The following EIF2B5 variants were observed in gnomAD, a reference collection of about 807,000 sequenced individuals.
The protein encoded by EIF2B5 is eukaryotic translation initiation factor 2B subunit epsilon.
A neutral mutation model predicts 87.3 loss-of-function variants in EIF2B5; 38 were observed. The observed-to-expected ratio is 0.44, with a 90% confidence interval of 0.34 to 0.57. EIF2B5 has a LOEUF of 0.57. EIF2B5 is among the 20% of genes least tolerant of loss of function. EIF2B5 has a pLI of 0.02. For missense variants in EIF2B5, 784 were observed against 909.5 expected (o/e 0.86, Z 1.78); for synonymous variants, 313 against 339.6 (o/e 0.92, Z 0.86).
intron 7 of EIF2B5, chr3:184,141,035 CTTT>C: frequency 2.4e-6 from 1 of 419,448 alleles, no homozygotes. Flanking sequence ...TTACAAAGGG[CTTT>C]TATATACATT....
chr3:184,136,099 T>TG, intron 1 of EIF2B5: 2 of 229,098 alleles, frequency 8.7e-6, no homozygotes. Context: ...GTCTAGACAA[T>TG]GGGGTATTGG....
chr3:184,144,673 C>T lies in EIF2B5; in HGVS notation c.2072C>T (p.Thr691Ile), dbSNP rs771437034. The change falls in exon 15 of 16, where the codon ACT becomes ATT. Residue 691 changes from threonine (T) to isoleucine (I), a missense_variant. Coordinates refer to ENST00000648915, the MANE Select transcript of EIF2B5 (RefSeq NM_003907.3). ...AGCTGGTTCAGCCAAAGAGATACAACTGACAAGGGCCAGCAGTTGCGCAAG... is the reference window on the plus strand; with the variant it reads ...AGCTGGTTCAGCCAAAGAGATACAATTGACAAGGGCCAGCAGTTGCGCAAG... ...ILSWFSQRDT[T>I]DKGQQLRKNQ... 2.5e-6 allele frequency: 4 copies of T among 1,614,048 alleles called. No individual in the cohort carries two copies. In the African/African-American group the frequency reaches 4.0e-5, roughly 16 times the overall value.
intron 6 of EIF2B5, 87 bp downstream of exon 6, chr3:184,140,244 T>C (rs1713565649): frequency 2.0e-6 from 3 of 1,478,458 alleles, no homozygotes; most frequent in Non-Finnish European, 2.8e-6. Flanking sequence ...CTTTTTTGTA[T>C]TTTATTGAGG....
rs371410870 is a variant in EIF2B5, at chr3:184,143,418, G to A, written c.1746-24G>A. 1.4e-4 allele frequency: 223 copies of A among 1,613,964 alleles called. 1 individual carries two copies. Among genetic ancestry groups the A allele is most frequent in the Admixed American group, 2.0e-4 (12 of 59,998 alleles). ...CTGCTGAAAGGCCAGTGAAGGCCCT[G>A]GTGTCACCCCAGTCTCCCCACAGGT... On this transcript the variant is annotated intron_variant, in intron 12 of 15. Coordinates refer to ENST00000648915, the MANE Select transcript of EIF2B5 (RefSeq NM_003907.3).
chr3:184,140,794 C>A, intron 7 of EIF2B5, 64 bp downstream of exon 7: 1 of 1,570,568 alleles, frequency 6.4e-7, no homozygotes, highest in African/African-American at 1.4e-5. Flanking sequence ...GGCCACGTCT[C>A]CAGAAACACA....
In EIF2B5 at chr3:184,142,434, C is replaced by T. The variant is rs1713680593; in HGVS notation, c.1444+56C>T. ...TGTGTCTCGCTGCCTCATAGAAGAA[C>T]CAGTGTTTCCTCCTGGAGGGATTGG... On this transcript the variant is annotated intron_variant, in intron 9 of 15. Transcript: ENST00000648915. The surrounding 1 kb of genome is among the most constrained non-coding windows in gnomAD (Gnocchi z 5.0). 3 of 1,614,150 alleles carry T rather than the reference C, an allele frequency of 1.9e-6. No individual in the cohort carries two copies. Among genetic ancestry groups the T allele is most frequent in the Non-Finnish European group, 1.7e-6 (2 of 1,180,014 alleles).
At chr3:184,141,775 G>A (rs1256491090) in intron 7 of EIF2B5, 150 bp from the exon 8 acceptor site, 7 of 904,518 alleles carry the variant, frequency 7.7e-6, no homozygotes, top group Non-Finnish European at 1.2e-5. Flanking sequence ...TGGGCTTAGG[G>A]GGTGAGTGGG....
chr3:184,135,620 G>T (rs1244037562), intron 1 of EIF2B5, 40 bp downstream of exon 1: 1 of 1,560,172 alleles, frequency 6.4e-7, no homozygotes, highest in African/African-American at 1.4e-5. Flanking sequence ...GGCAGGAAGG[G>T]TGGCAGGGCT....
chr3:184,135,648 C>A (rs1004643704), intron 1 of EIF2B5, 68 bp downstream of exon 1: 43 of 1,540,750 alleles, frequency 2.8e-5, no homozygotes, highest in Non-Finnish European at 3.6e-5. Context: ...GTTCTCATTT[C>A]GGCTAACTAC....
chr3:184,140,220 T>C (rs777687467), intron 6 of EIF2B5, 63 bp downstream of exon 6: 5 of 1,540,302 alleles, frequency 3.2e-6, no homozygotes, highest in South Asian at 1.1e-5. Context: ...TATCTCATGC[T>C]GGTAACTTTT....
chr3:184,139,962 G>A, intron 5 of EIF2B5, 118 bp from the exon 6 acceptor site: 1 of 714,830 alleles, frequency 1.4e-6, no homozygotes. Flanking sequence ...GGTGGAGGTT[G>A]CAGTGAGCCG....
chr3:184,135,758 C>T lies in EIF2B5; in HGVS notation c.195+178C>T, dbSNP rs1713322413. The T allele has an allele frequency of 3.5e-6, 3 of 851,908 alleles. No individual in the cohort carries two copies. The Admixed American group carries it at 7.5e-5, about 21-fold the overall frequency. 52.8% of individuals were successfully genotyped at this position (851,908 alleles called of 1,614,324 possible). On this transcript the variant is annotated intron_variant, in intron 1 of 15. Transcript: ENST00000648915. ...GATGACTGCTGACCAAGTTAGTGGCCGGCAGATTTGGGCATTCGTAATGCT... is the reference window on the plus strand; with the variant it reads ...GATGACTGCTGACCAAGTTAGTGGCTGGCAGATTTGGGCATTCGTAATGCT...
intron 7 of EIF2B5, among the ~76,000 whole-genome samples, chr3:184,141,266 C>A (rs908502368): frequency 6.6e-6 from 1 of 152,118 alleles, no homozygotes; most frequent in African/African-American, 2.4e-5. Flanking sequence ...CCAAGAACAA[C>A]AGTAAGGCTC....
chr3:184,139,430 G>A (rs1713521162), intron 5 of EIF2B5, among the ~76,000 whole-genome samples: 1 of 151,428 alleles, frequency 6.6e-6, no homozygotes, highest in Non-Finnish European at 1.5e-5. Context: ...GCAGGCATGT[G>A]CCACCACACC....
At chr3:184,136,844 A>T (rs571561821) in intron 2 of EIF2B5, 108 bp downstream of exon 2, 5 of 1,489,764 alleles carry the variant, frequency 3.4e-6, no homozygotes, top group East Asian at 2.3e-5. Context: ...GTCTACTTAG[A>T]TGTCATTGTA....
intron 12 of EIF2B5, 43 bp downstream of exon 12, chr3:184,143,185 A>C: frequency 6.3e-7 from 1 of 1,597,762 alleles, no homozygotes; most frequent in Non-Finnish European, 8.6e-7. Flanking sequence ...TGATCCCGGG[A>C]AGGTAGAGGC....
chr3:184,140,377 G>C, intron 6 of EIF2B5, 41 bp from the exon 7 acceptor site: 3 of 1,608,086 alleles, frequency 1.9e-6, no homozygotes, highest in Non-Finnish European at 2.6e-6. Context: ...CATTCTTCCT[G>C]TCTTTCTTGC....
chr3:184,140,111 A>G lies in EIF2B5; in HGVS notation c.797A>G (p.Tyr266Cys). 6.2e-7 allele frequency: 1 copy of G among 1,613,930 alleles called. No homozygotes were observed. The highest frequency in any genetic ancestry group is 8.5e-7 in the Non-Finnish European group (1 of 1,179,902). Residue 266 changes from tyrosine (Y) to cysteine (C), a missense_variant, in exon 6 of 16, where the codon TAC becomes TGC. By Grantham distance (194) the Tyr-to-Cys change is radical. This residue lies in a region of EIF2B5 where 660 missense variants were observed against 789.5 expected (regional missense o/e 0.84). Coordinates refer to ENST00000648915, the MANE Select transcript of EIF2B5 (RefSeq NM_003907.3). ...CAACTCTTTACAGACAACTTTGACTACCAAACTCGAGATGACTTTGTGCGA... is the reference window on the plus strand; with the variant it reads ...CAACTCTTTACAGACAACTTTGACTGCCAAACTCGAGATGACTTTGTGCGA... ...VAQLFTDNFD[Y>C]QTRDDFVRGL...
intron 7 of EIF2B5, 98 bp downstream of exon 7, chr3:184,140,828 T>C (rs1270775219): frequency 1.0e-5 from 14 of 1,386,414 alleles, no homozygotes; most frequent in Non-Finnish European, 1.3e-5. Flanking sequence ...CAAGGGACAG[T>C]CCCTGGGAAT....
Sources: allele counts gnomAD v4.1 joint callset (sites outside exome capture counted in the v4.1 genomes callset), GRCh38; gene constraint gnomAD v4.1.1; regional missense constraint gnomAD v4.1.1; non-coding constraint Gnocchi (gnomAD v3.1); transcripts MANE v1.5; gene names NCBI Gene and HGNC (gene_info 2026-07-23, HGNC 2026-07-21).